CLVS1: variants seen among roughly 807,000 people sequenced by gnomAD.
CLVS1 encodes the protein clavesin 1.
Under a neutral mutation model 33.1 loss-of-function variants are expected in CLVS1, and 10 were observed. The ratio of observed to expected loss-of-function variants is 0.30; its 90% CI spans 0.19 to 0.51. CLVS1 has a LOEUF of 0.51. CLVS1 is among the 20% of genes least tolerant of loss of function. CLVS1 has a pLI of 0.97. For synonymous variants in CLVS1, 163 were observed against 166.1 expected (o/e 0.98, Z 0.14); for missense variants, 343 against 433.4 (o/e 0.79, Z 1.85).
chr8:61,336,042 TAGAA>T (rs1811786308), intron 2 of CLVS1, among the ~76,000 whole-genome samples: 1 of 152,092 alleles, frequency 6.6e-6, no homozygotes, highest in African/African-American at 2.4e-5. Flanking sequence ...TCTCAGCGAA[TAGAA>T]TTCGCTGAGA....
chr8:61,158,883 G>C (rs775142919), intron 2 of CLVS1, among the ~76,000 whole-genome samples: 4 of 152,040 alleles, frequency 2.6e-5, no homozygotes, highest in Non-Finnish European at 5.9e-5. Flanking sequence ...GTATTGCCAG[G>C]TTGCAGTACA....
chr8:61,457,728 C>T (rs894550670), intron 4 of CLVS1, among the ~76,000 whole-genome samples: 41 of 152,160 alleles, frequency 2.7e-4, no homozygotes, highest in African/African-American at 9.2e-4. Flanking sequence ...TATTTTCCCC[C>T]GTGGGGAAAC....
At chr8:61,249,058 T>C (rs2129315710) in intron 2 of CLVS1, among the ~76,000 whole-genome samples, 1 of 152,218 alleles carries the variant, frequency 6.6e-6, no homozygotes, top group African/African-American at 2.4e-5. Flanking sequence ...ATGCTATTCT[T>C]CCCCAAGTCC....
intron 2 of CLVS1, among the ~76,000 whole-genome samples, chr8:61,253,587 TA>T (rs1466114086): frequency 3.3e-5 from 5 of 152,258 alleles, no homozygotes; most frequent in Non-Finnish European, 7.3e-5. Context: ...TCTTTTCACA[TA>T]GTACCATATT....
intron 2 of CLVS1, among the ~76,000 whole-genome samples, chr8:61,224,607 A>G (rs938806984): frequency 1.7e-4 from 26 of 152,316 alleles, no homozygotes; most frequent in Admixed American, 9.1e-4. Context: ...TCGTTCCTGT[A>G]TAAGGTGTCT....
At chr8:61,442,417 T>G (rs1208198154) in intron 3 of CLVS1, among the ~76,000 whole-genome samples, 1 of 152,226 alleles carries the variant, frequency 6.6e-6, no homozygotes, top group African/African-American at 2.4e-5. Flanking sequence ...TACCAGTTTT[T>G]GTGTAAACAT....
chr8:61,346,690 C>A (rs1027672050), intron 2 of CLVS1, among the ~76,000 whole-genome samples: 1 of 152,144 alleles, frequency 6.6e-6, no homozygotes, highest in Non-Finnish European at 1.5e-5. Flanking sequence ...AAACACTGAG[C>A]CCCTCCCTGT....
chr8:61,174,987 A>G (rs1330340483), intron 2 of CLVS1, among the ~76,000 whole-genome samples: 1 of 100,368 alleles, frequency 1.0e-5, no homozygotes, highest in Non-Finnish European at 2.2e-5. Context: ...CAGTTTTATT[A>G]TCTTATGTTT....
chr8:61,232,981 A>C (rs970804675), intron 2 of CLVS1, among the ~76,000 whole-genome samples: 3 of 152,234 alleles, frequency 2.0e-5, no homozygotes, highest in African/African-American at 7.2e-5. Context: ...TAACCATATA[A>C]AATTTAGTAG....
At chr8:61,493,664 T>C (rs1804174061) in intron 5 of CLVS1, among the ~76,000 whole-genome samples, 1 of 152,228 alleles carries the variant, frequency 6.6e-6, no homozygotes, top group Non-Finnish European at 1.5e-5. Flanking sequence ...CTTAGAATTA[T>C]TTGAAGACAC....
chr8:61,083,654 G>A (rs1409800618), intron 1 of CLVS1, among the ~76,000 whole-genome samples: 2 of 151,914 alleles, frequency 1.3e-5, no homozygotes, highest in Non-Finnish European at 2.9e-5. Flanking sequence ...AAAATTGGTA[G>A]GTAAATTAAA....
upstream of CLVS1, among the ~76,000 whole-genome samples, chr8:61,284,124 A>C (rs1304289043): frequency 6.6e-6 from 1 of 152,212 alleles, no homozygotes; most frequent in African/African-American, 2.4e-5. Flanking sequence ...ATAGAGAAAG[A>C]AAAATATCTC....
chr8:61,242,396 T>G (rs1808715183), intron 2 of CLVS1, among the ~76,000 whole-genome samples: 1 of 152,210 alleles, frequency 6.6e-6, no homozygotes, highest in East Asian at 1.9e-4. Flanking sequence ...CTTCACGTTC[T>G]CTGATTCTTG....
intron 5 of CLVS1, among the ~76,000 whole-genome samples, chr8:61,472,483 T>A (rs1817766991): frequency 6.6e-6 from 1 of 152,264 alleles, no homozygotes; most frequent in East Asian, 1.9e-4. Context: ...CTCTATTTTG[T>A]AGAGTGATGA....
At chr8:61,237,961 A>G (rs1371652891) in intron 2 of CLVS1, among the ~76,000 whole-genome samples, 1 of 152,170 alleles carries the variant, frequency 6.6e-6, no homozygotes. Context: ...AACTGTGAAT[A>G]CTGAGGCATC....
chr8:61,014,596 T>A, the CLVS1 span, among the ~76,000 whole-genome samples: 1 of 152,218 alleles, frequency 6.6e-6, no homozygotes, highest in Non-Finnish European at 1.5e-5. Flanking sequence ...GTGAGAAGTC[T>A]TTAGTTGTTT....
chr8:61,278,411 GC>G (rs1214094189), intron 2 of CLVS1, among the ~76,000 whole-genome samples: 1 of 152,102 alleles, frequency 6.6e-6, no homozygotes, highest in Non-Finnish European at 1.5e-5. Flanking sequence ...AAATGTTTAG[GC>G]CCATCTTCCT....
intron 1 of CLVS1, among the ~76,000 whole-genome samples, chr8:61,097,441 C>T (rs1340544396): frequency 2.6e-5 from 4 of 152,024 alleles, no homozygotes; most frequent in Non-Finnish European, 2.9e-5. Flanking sequence ...CCTTTTTGCC[C>T]TCAGAAACTA....
At chr8:60,999,364 G>A in the CLVS1 span, among the ~76,000 whole-genome samples, 2 of 152,338 alleles carry the variant, frequency 1.3e-5, no homozygotes, top group South Asian at 4.1e-4. Flanking sequence ...ACATGGAATA[G>A]TATTTGATGA....
Sources: allele counts gnomAD v4.1 joint callset (sites outside exome capture counted in the v4.1 genomes callset), GRCh38; gene constraint gnomAD v4.1.1; transcripts MANE v1.5; gene names NCBI Gene and HGNC (gene_info 2026-07-23, HGNC 2026-07-21).